NEDD9: variants seen among roughly 807,000 people sequenced by gnomAD.
The protein encoded by NEDD9 is enhancer of filamentation 1.
In NEDD9, 26 loss-of-function variants were observed where a neutral mutation model predicts 76.6. That is an observed-to-expected ratio of 0.34 (90% CI 0.25 to 0.47). The LOEUF is 0.47. NEDD9 is among the 20% of genes least tolerant of loss of function. NEDD9 has a pLI of 1.00. For missense variants in NEDD9, 937 were observed against 1,058.5 expected, an observed-to-expected ratio of 0.89 and a Z score of 1.59; for synonymous variants, 392 against 414.2, an observed-to-expected ratio of 0.95 and a Z score of 0.65.
intron 2 of NEDD9, among the ~76,000 whole-genome samples, chr6:11,205,960 T>A (rs1758598524): frequency 6.6e-6 from 1 of 152,182 alleles, no homozygotes; most frequent in African/African-American, 2.4e-5. Flanking sequence ...CACATTGTCC[T>A]ATGTGAGTGG....
intron 3 of NEDD9, among the ~76,000 whole-genome samples, chr6:11,278,923 T>TGAA (rs1398297422): frequency 6.8e-6 from 1 of 146,182 alleles, no homozygotes; most frequent in East Asian, 2.0e-4. Flanking sequence ...GATAAAGAGT[T>TGAA]AAAAAAAAAA....
At position 11,190,508 on chromosome 6, in the gene NEDD9, T is replaced by A. The variant is rs761951357; in HGVS notation, c.1361A>T (p.Lys454Met). ...GTACTCCTTCAGGAACAGCTCCACC[T>A]TGTCCACTGCTGTGCGTATTTCATT... Reference protein sequence around the residue: ...HINEIRTAVDKVELFLKEYLH... With the variant: ...HINEIRTAVDMVELFLKEYLH... Residue 454 changes from lysine (K) to methionine (M), a missense_variant, in exon 5 of 7, where the codon AAG becomes ATG. By Grantham distance (95) the Lys-to-Met change is moderately conservative (BLOSUM62 -1). Transcript: ENST00000379446. The surrounding 1 kb of genome is among the most constrained non-coding windows in gnomAD (Gnocchi z 5.8). The A allele has an allele frequency of 1.2e-6, 2 of 1,614,118 alleles. No homozygotes were observed. Among genetic ancestry groups the A allele is most frequent in the African/African-American group, 2.7e-5 (2 of 74,944 alleles).
chr6:11,270,625 C>G (rs1760284028), intron 3 of NEDD9, among the ~76,000 whole-genome samples: 1 of 152,234 alleles, frequency 6.6e-6, no homozygotes, highest in Non-Finnish European at 1.5e-5. Flanking sequence ...CCCCAGCAGC[C>G]TCACGTCCGC....
intron 3 of NEDD9, chr6:11,249,007 C>A: frequency 2.4e-6 from 1 of 416,428 alleles, no homozygotes. Context: ...TATTCATATG[C>A]CAGTGACTCA....
At chr6:11,200,845 A>G (rs1286291556) in intron 2 of NEDD9, 2 of 1,543,958 alleles carry the variant, frequency 1.3e-6, no homozygotes, top group African/African-American at 1.4e-5. Flanking sequence ...AGACACGCCA[A>G]TGGGAAACCC....
intron 1 of NEDD9, among the ~76,000 whole-genome samples, chr6:11,214,756 G>T (rs1758897812): frequency 6.6e-6 from 1 of 152,224 alleles, no homozygotes; most frequent in Non-Finnish European, 1.5e-5. Context: ...GCACAGCGAA[G>T]TCGGGGACGT....
intron 1 of NEDD9, among the ~76,000 whole-genome samples, chr6:11,224,691 G>C (rs1759252697): frequency 6.6e-6 from 1 of 152,220 alleles, no homozygotes; most frequent in Admixed American, 6.5e-5. Context: ...AGTAGCTGGA[G>C]TGTCTAGAAG....
At chr6:11,249,277 A>C (rs900471999) in intron 3 of NEDD9, 4 of 423,824 alleles carry the variant, frequency 9.4e-6, no homozygotes, top group Non-Finnish European at 1.9e-5. Flanking sequence ...TAACAGAAAA[A>C]CCCTAGATGA....
intron 2 of NEDD9, among the ~76,000 whole-genome samples, chr6:11,320,540 G>T (rs1156592130): frequency 1.3e-5 from 2 of 152,178 alleles, no homozygotes; most frequent in East Asian, 3.8e-4. Flanking sequence ...CCATCCTCAG[G>T]AGTTTATGCT....
chr6:11,203,990 T>A (rs1390754416), intron 2 of NEDD9, among the ~76,000 whole-genome samples: 2 of 145,120 alleles, frequency 1.4e-5, no homozygotes, highest in East Asian at 2.1e-4. Context: ...AAAAAAAAAC[T>A]CTTGATGTCA....
chr6:11,307,657 CAT>C (rs937875144), intron 2 of NEDD9, among the ~76,000 whole-genome samples: 62 of 152,220 alleles, frequency 4.1e-4, no homozygotes, highest in Admixed American at 7.9e-4. Flanking sequence ...TACACACACA[CAT>C]GTCATTAATT....
At chr6:11,339,913 T>A (rs914026835) in intron 1 of NEDD9, among the ~76,000 whole-genome samples, 4 of 152,234 alleles carry the variant, frequency 2.6e-5, no homozygotes, top group Non-Finnish European at 5.9e-5. Context: ...TGTACGGTAA[T>A]GATATCCTAC....
rs1288986753 is a variant in NEDD9, at chr6:11,193,694, T to C, written c.460-2A>G. The C allele has an allele frequency of 5.0e-6, 8 of 1,608,848 alleles. No individual in the cohort carries two copies. Among genetic ancestry groups the C allele is most frequent in the African/African-American group, 1.3e-5 (1 of 74,794 alleles). On this transcript the variant is annotated splice_acceptor_variant, in intron 2 of 6. Coordinates refer to ENST00000379446, the MANE Select transcript of NEDD9 (RefSeq NM_006403.4). LOFTEE classifies it high-confidence loss of function. ...GCCTGTCCTCACGGGGGTTATCACC[T>C]GTGGGAGAGAAGGCACAGAGGTGTA...
chr6:11,310,665 G>C (rs924760332), intron 2 of NEDD9, among the ~76,000 whole-genome samples: 3 of 152,134 alleles, frequency 2.0e-5, no homozygotes, highest in Non-Finnish European at 4.4e-5. Context: ...ATTGAATGGG[G>C]CCTAGTCTAG....
At chr6:11,264,480 A>G (rs1034162156) in intron 3 of NEDD9, among the ~76,000 whole-genome samples, 1 of 152,196 alleles carries the variant, frequency 6.6e-6, no homozygotes, top group Admixed American at 6.5e-5. Context: ...TTGAGTAAGA[A>G]AGCAGGAGGC....
intron 1 of NEDD9, among the ~76,000 whole-genome samples, chr6:11,340,140 C>A (rs1762244326): frequency 6.6e-6 from 1 of 152,204 alleles, no homozygotes; most frequent in Admixed American, 6.5e-5. Context: ...ATCTCCTCAG[C>A]CTGAATGAAT....
intron 2 of NEDD9, among the ~76,000 whole-genome samples, chr6:11,332,013 G>T (rs1044518073): frequency 6.6e-6 from 1 of 152,190 alleles, no homozygotes; most frequent in Non-Finnish European, 1.5e-5. Flanking sequence ...AACATGAAAA[G>T]CATTGTCATT....
rs149431961 is a variant in NEDD9 at position 11,278,829 on chromosome 6, G to A, written c.12+27163C>T. ...AGAACCACTGTCCTAGCCCACAGCG[G>A]CAATTACTAGAAGGCAGGGATTACA... On this transcript the variant is annotated intron_variant, in intron 3 of 3. Transcript: ENST00000397378. Among the ~76,000 whole-genome samples the A allele has an allele frequency of 1.8e-4, 27 of 152,160 alleles. No homozygotes were observed. The East Asian group carries it at 4.8e-3, about 27-fold the overall frequency.
intron 1 of NEDD9, among the ~76,000 whole-genome samples, chr6:11,216,130 C>T (rs1034126164): frequency 6.6e-6 from 1 of 152,206 alleles, no homozygotes. Context: ...GTGGGCACCG[C>T]AGGTGAGTCC....
Sources: allele counts gnomAD v4.1 joint callset (sites outside exome capture counted in the v4.1 genomes callset), GRCh38; gene constraint gnomAD v4.1.1; non-coding constraint Gnocchi (gnomAD v3.1); transcripts MANE v1.5; gene names NCBI Gene and HGNC (gene_info 2026-07-23, HGNC 2026-07-21).